Variants in SHISA9 observed in about 807,000 individuals in gnomAD.
SHISA9 encodes the protein protein shisa-9.
A neutral mutation model predicts 38.0 loss-of-function variants in SHISA9; 13 were observed. The observed-to-expected ratio is 0.34, with a 90% confidence interval of 0.22 to 0.54. The LOEUF is 0.54. Ranked by LOEUF, SHISA9 falls within the 20% of genes least tolerant of loss-of-function variation. The probability of loss-of-function intolerance (pLI) is 0.91; values close to 1 mark genes in which losing one functional copy is unlikely to be tolerated. For synonymous variants in SHISA9, 275 were observed against 242.0 expected (o/e 1.14, Z -1.27); for missense variants, 538 against 575.8 (o/e 0.93, Z 0.67).
chr16:13,043,152 C>T (rs984434891), intron 2 of SHISA9, among the ~76,000 whole-genome samples: 1 of 152,178 alleles, frequency 6.6e-6, no homozygotes, highest in African/African-American at 2.4e-5. Context: ...TATCATGTGG[C>T]TTTCAACATT....
At chr16:13,438,854 T>G in the SHISA9 span, among the ~76,000 whole-genome samples, 4 of 152,212 alleles carry the variant, frequency 2.6e-5, no homozygotes, top group African/African-American at 4.8e-5. Context: ...ATTACTGTCT[T>G]TATTCCTTTG....
At chr16:13,210,632 A>G in intron 3 of SHISA9, among the ~76,000 whole-genome samples, 1 of 152,230 alleles carries the variant, frequency 6.6e-6, no homozygotes, top group East Asian at 1.9e-4. Flanking sequence ...GCACTTGGCC[A>G]TGGATTGGCC....
the SHISA9 span, among the ~76,000 whole-genome samples, chr16:13,295,325 A>C: frequency 2.6e-5 from 4 of 152,206 alleles, 1 homozygote; most frequent in Admixed American, 6.6e-5. Flanking sequence ...TGGTCTGCTT[A>C]GGAGGATTTT....
intron 1 of SHISA9, among the ~76,000 whole-genome samples, chr16:12,915,919 G>T (rs2071247653): frequency 6.6e-6 from 1 of 151,528 alleles, no homozygotes; most frequent in African/African-American, 2.4e-5. Flanking sequence ...AAATGCATTG[G>T]TAGGTCTGAT....
chr16:13,060,111 T>C (rs528327713), intron 2 of SHISA9, among the ~76,000 whole-genome samples: 2 of 152,270 alleles, frequency 1.3e-5, no homozygotes, highest in East Asian at 3.9e-4. Flanking sequence ...GACAGTTAAG[T>C]GCAGGTGGCT....
intron 2 of SHISA9, among the ~76,000 whole-genome samples, chr16:13,026,746 G>T (rs1207456440): frequency 6.6e-6 from 1 of 152,158 alleles, no homozygotes; most frequent in African/African-American, 2.4e-5. Context: ...GAGTAGTGAT[G>T]GGAATCTTCT....
At chr16:13,338,086 G>A in the SHISA9 span, among the ~76,000 whole-genome samples, 1 of 152,160 alleles carries the variant, frequency 6.6e-6, no homozygotes, top group African/African-American at 2.4e-5. Flanking sequence ...CTCTGGCTTG[G>A]CTGAAGTGAT....
At chr16:13,538,180 G>A in the SHISA9 span, among the ~76,000 whole-genome samples, 1 of 152,100 alleles carries the variant, frequency 6.6e-6, no homozygotes, top group Non-Finnish European at 1.5e-5. Context: ...TTTAGCATGG[G>A]CTTGGAATGG....
At chr16:13,537,384 C>T in the SHISA9 span, among the ~76,000 whole-genome samples, 1 of 151,038 alleles carries the variant, frequency 6.6e-6, no homozygotes, top group East Asian at 1.9e-4. Context: ...GCCGAGATCA[C>T]ACCATTGCAC....
rs375901647 is a variant in SHISA9, at chr16:12,946,282, C to T, written c.691+29467C>T. Among the ~76,000 whole-genome samples the T allele has an allele frequency of 4.9e-4, 75 of 152,224 alleles. No homozygotes were observed. In the South Asian group the frequency reaches 0.014, roughly 29 times the overall value. On this transcript the variant is annotated intron_variant, in intron 2 of 4. Transcript: ENST00000558583. Reference sequence around the variant, plus strand: ...TTTGCAGTCAGGTAGTGTGATGCCTCCAGCTTTGTTCTTTTTGCTTAGGAT... The same window carrying T: ...TTTGCAGTCAGGTAGTGTGATGCCTTCAGCTTTGTTCTTTTTGCTTAGGAT...
chr16:13,422,050 C>G, the SHISA9 span, among the ~76,000 whole-genome samples: 110,426 of 152,016 alleles, frequency 0.73, 40,337 homozygotes, highest in Admixed American at 0.82. Context: ...TATACCCAAT[C>G]ACTACACAAG....
chr16:13,491,067 A>G, the SHISA9 span, among the ~76,000 whole-genome samples: 6 of 152,342 alleles, frequency 3.9e-5, no homozygotes, highest in Admixed American at 3.3e-4. Flanking sequence ...TGTTCACTGA[A>G]TCTTAAAAAC....
the SHISA9 span, among the ~76,000 whole-genome samples, chr16:13,554,146 T>C: frequency 6.6e-6 from 1 of 152,160 alleles, no homozygotes; most frequent in South Asian, 2.1e-4. Context: ...GCTGGGCATC[T>C]TCTGCCTCTT....
chr16:13,271,777 G>A, the SHISA9 span, among the ~76,000 whole-genome samples: 3,816 of 151,928 alleles, frequency 0.025, 155 homozygotes, highest in African/African-American at 0.085. Context: ...TTATGGGGGG[G>A]GTGTGTGTGT....
At chr16:12,935,459 A>G (rs1045710362) in intron 2 of SHISA9, among the ~76,000 whole-genome samples, 6 of 152,164 alleles carry the variant, frequency 3.9e-5, no homozygotes, top group Admixed American at 3.9e-4. Context: ...TTTGTCTCTA[A>G]CTAGGCATAA....
At chr16:13,169,433 T>C (rs774854127) in intron 2 of SHISA9, among the ~76,000 whole-genome samples, 1 of 152,116 alleles carries the variant, frequency 6.6e-6, no homozygotes, top group Non-Finnish European at 1.5e-5. Context: ...AAGGCCATTA[T>C]GTTAGGAAAA....
chr16:13,453,319 A>G, the SHISA9 span, among the ~76,000 whole-genome samples: 2 of 152,168 alleles, frequency 1.3e-5, no homozygotes, highest in Non-Finnish European at 2.9e-5. Context: ...GACCCCAATT[A>G]ATGGCCTACC....
chr16:13,019,796 C>CTTTTCT (rs1388956567), intron 2 of SHISA9, among the ~76,000 whole-genome samples: 4 of 137,602 alleles, frequency 2.9e-5, no homozygotes, highest in African/African-American at 1.1e-4. Context: ...TTCTTTCTTT[C>CTTTTCT]TTTCTTTCTT....
At chr16:13,390,180 CTT>C in the SHISA9 span, among the ~76,000 whole-genome samples, 1 of 149,920 alleles carries the variant, frequency 6.7e-6, no homozygotes, top group Non-Finnish European at 1.5e-5. Flanking sequence ...TTCTCTCTCT[CTT>C]TTTATAAGAT....
Sources: allele counts gnomAD v4.1 joint callset (sites outside exome capture counted in the v4.1 genomes callset), GRCh38; gene constraint gnomAD v4.1.1; transcripts MANE v1.5; gene names NCBI Gene and HGNC (gene_info 2026-07-23, HGNC 2026-07-21).